Variants in SLC14A2 observed in about 807,000 individuals in gnomAD.
SLC14A2 encodes the protein urea transporter 2.
In SLC14A2, 91 loss-of-function variants were observed where a neutral mutation model predicts 104.6. The ratio of observed to expected loss-of-function variants is 0.87; its 90% CI spans 0.73 to 1.04. The LOEUF (loss-of-function observed/expected upper bound fraction) is 1.04, where lower values mean the gene tolerates loss of function less well. Ranked by LOEUF, SLC14A2 falls within the 50% of genes least tolerant of loss-of-function variation. The pLI is 0.00. For synonymous variants in SLC14A2, 476 were observed against 466.4 expected, an observed-to-expected ratio of 1.02 and a Z score of -0.27; for missense variants, 1,189 against 1,156.0, an observed-to-expected ratio of 1.03 and a Z score of -0.41.
intron 1 of SLC14A2, among the ~76,000 whole-genome samples, chr18:45,301,401 C>G (rs892254327): frequency 6.6e-6 from 1 of 152,230 alleles, no homozygotes; most frequent in Non-Finnish European, 1.5e-5. Context: ...ACAACTTAGA[C>G]TTTCAGAGGC....
intron 2 of SLC14A2, among the ~76,000 whole-genome samples, chr18:45,605,266 T>C (rs2044850288): frequency 6.6e-6 from 1 of 152,172 alleles, no homozygotes; most frequent in Admixed American, 6.5e-5. Context: ...AATAAAAATA[T>C]ACATAAAAGT....
intron 2 of SLC14A2, among the ~76,000 whole-genome samples, chr18:45,540,310 C>G (rs1442854607): frequency 6.6e-6 from 1 of 152,142 alleles, no homozygotes; most frequent in East Asian, 1.9e-4. Flanking sequence ...GGAGGACCTT[C>G]GCATTCCTTT....
At chr18:45,616,819 C>G (rs996347486) in intron 1 of SLC14A2, among the ~76,000 whole-genome samples, 2 of 152,062 alleles carry the variant, frequency 1.3e-5, no homozygotes, top group Admixed American at 6.5e-5. Flanking sequence ...ACATAAGGAC[C>G]GGGTGCAGTG....
chr18:45,674,792 A>G (rs1249457640), intron 18 of SLC14A2, among the ~76,000 whole-genome samples: 1 of 152,186 alleles, frequency 6.6e-6, no homozygotes. Flanking sequence ...CTAAGGTGAG[A>G]CAAGGGAGAC....
chr18:45,488,259 C>A (rs1043521215), intron 2 of SLC14A2, among the ~76,000 whole-genome samples: 2 of 151,944 alleles, frequency 1.3e-5, no homozygotes, highest in African/African-American at 4.8e-5. Flanking sequence ...ATGGTGTGGA[C>A]CCCAGAGGAA....
At chr18:45,244,410 T>G (rs2144058619) in intron 1 of SLC14A2, among the ~76,000 whole-genome samples, 1 of 152,160 alleles carries the variant, frequency 6.6e-6, no homozygotes, top group Admixed American at 6.5e-5. Flanking sequence ...GCGGATCACG[T>G]GAGGTCAGGA....
intron 2 of SLC14A2, chr18:45,515,384 T>C (rs1327775500): frequency 6.6e-6 from 1 of 152,248 alleles, no homozygotes; most frequent in African/African-American, 2.4e-5. Flanking sequence ...ACTAACTAGC[T>C]GGGTTGGCCT....
At chr18:45,532,512 G>A (rs1479508149) in intron 2 of SLC14A2, among the ~76,000 whole-genome samples, 2 of 141,376 alleles carry the variant, frequency 1.4e-5, no homozygotes, top group Non-Finnish European at 3.0e-5. Context: ...TGTTATTGGT[G>A]TATAAGAATG....
At chr18:45,189,437 G>A in the SLC14A2 span, among the ~76,000 whole-genome samples, 3 of 152,284 alleles carry the variant, frequency 2.0e-5, no homozygotes, top group East Asian at 5.8e-4. Context: ...CTTTCTTGTT[G>A]ATAGAAAATA....
chr18:45,563,259 C>T (rs948656841), intron 2 of SLC14A2, among the ~76,000 whole-genome samples: 3 of 152,168 alleles, frequency 2.0e-5, no homozygotes, highest in Non-Finnish European at 4.4e-5. Flanking sequence ...CCCCAGACCC[C>T]GCCCTCATGG....
chr18:45,242,808 G>C (rs547246615), intron 1 of SLC14A2, among the ~76,000 whole-genome samples: 65 of 152,306 alleles, frequency 4.3e-4, no homozygotes, highest in Admixed American at 1.2e-3. Context: ...CAAGTCACCT[G>C]TATATTTAGT....
At chr18:45,179,849 A>G in the SLC14A2 span, 1 of 130,744 alleles carries the variant, frequency 7.6e-6, no homozygotes, top group Admixed American at 7.2e-5. Context: ...GAGCAGATCT[A>G]AAAAAAAAAA....
At chr18:45,360,866 G>C (rs1329840120) in intron 1 of SLC14A2, among the ~76,000 whole-genome samples, 1 of 152,202 alleles carries the variant, frequency 6.6e-6, no homozygotes, top group Non-Finnish European at 1.5e-5. Context: ...AGATTTTGTA[G>C]TGTTGTACAT....
In SLC14A2 at chr18:45,236,500, T is replaced by G. The variant is rs1207589754; in HGVS notation, c.-125+23309T>G. Among the ~76,000 whole-genome samples the G allele has an allele frequency of 2.1e-5, 2 of 95,470 alleles. 1 individual carries two copies. The highest frequency in any genetic ancestry group is 4.2e-5 in the Non-Finnish European group (2 of 47,084). The allele number at this position is 95,470 out of a possible 152,430, so 62.6% of individuals were successfully genotyped here. On this transcript the variant is annotated intron_variant, in intron 1 of 20. Coordinates refer to the SLC14A2 transcript ENST00000586448. ...GTATGTGTGTATATATGTGTATATA[T>G]ACATGTATGTGTGTATATATGTGTA... is the stretch of plus-strand genomic sequence containing the variant.
At chr18:45,496,653 G>C (rs1002288707) in intron 2 of SLC14A2, among the ~76,000 whole-genome samples, 1 of 152,168 alleles carries the variant, frequency 6.6e-6, no homozygotes, top group Admixed American at 6.5e-5. Flanking sequence ...CATGGTGGCA[G>C]GTGCCTGTAA....
intron 1 of SLC14A2, among the ~76,000 whole-genome samples, chr18:45,344,037 G>T (rs1249574722): frequency 1.3e-5 from 2 of 152,196 alleles, no homozygotes; most frequent in Non-Finnish European, 1.5e-5. Context: ...GCTACAATTT[G>T]CTGGCCCAAT....
At chr18:45,271,955 A>G (rs1228937711) in intron 1 of SLC14A2, among the ~76,000 whole-genome samples, 1 of 152,182 alleles carries the variant, frequency 6.6e-6, no homozygotes, top group Non-Finnish European at 1.5e-5. Context: ...ATAGGCACAT[A>G]AACTAATGGA....
At chr18:45,368,606 A>G (rs961419329) in intron 1 of SLC14A2, among the ~76,000 whole-genome samples, 12 of 152,244 alleles carry the variant, frequency 7.9e-5, no homozygotes, top group African/African-American at 2.4e-4. Context: ...TTAACAATCC[A>G]TGAAACTTCG....
Position 45,494,915 on chromosome 18 carries a change from T to TACACACACACACAC in SLC14A2, c.-35+11605_-35+11618dup, listed in dbSNP as rs58079608. Among the ~76,000 whole-genome samples the TACACACACACACAC allele has an allele frequency of 4.3e-3, 633 of 148,734 alleles. 6 individuals carry two copies. Among genetic ancestry groups the TACACACACACACAC allele is most frequent in the East Asian group, 0.011 (53 of 5,028 alleles). ...AATCGGGTCATCACACACACACACA[T>TACACACACACACAC]ACACACACACACACACACACACACA... On this transcript the variant is annotated intron_variant, in intron 2 of 20. Transcript: ENST00000586448.
Sources: gnomAD v4.1 joint callset for allele counts (sites outside exome capture counted in the v4.1 genomes callset) on GRCh38, gnomAD v4.1.1 for gene constraint, MANE v1.5 for transcripts, NCBI Gene and HGNC (gene_info 2026-07-23, HGNC 2026-07-21) for gene names.